The following WWOX variants were observed in gnomAD, a reference collection of about 807,000 sequenced individuals.
WWOX encodes the protein WW domain containing oxidoreductase.
WWOX carries 69 observed loss-of-function variants against 46.2 expected under a neutral mutation model. The ratio of observed to expected loss-of-function variants is 1.49; its 90% confidence interval spans 1.23 to 1.82. The LOEUF (loss-of-function observed/expected upper bound fraction) is 1.82. WWOX is among the 40% of genes most tolerant of loss of function. WWOX has a pLI of 0.00. For synonymous variants in WWOX, 359 were observed against 202.6 expected, an observed-to-expected ratio of 1.77 and a Z score of -6.56; for missense variants, 919 against 542.6, an observed-to-expected ratio of 1.69 and a Z score of -6.89.
chr16:79,177,898 A>G (rs1292285747), intron 8 of WWOX, among the ~76,000 whole-genome samples: 1 of 152,216 alleles, frequency 6.6e-6, no homozygotes, highest in Non-Finnish European at 1.5e-5. Flanking sequence ...ACAGAAATGT[A>G]ATTCTTAAAG....
intron 8 of WWOX, among the ~76,000 whole-genome samples, chr16:78,799,858 G>A (rs1421305768): frequency 3.9e-5 from 6 of 152,170 alleles, no homozygotes; most frequent in African/African-American, 1.4e-4. Flanking sequence ...ATGCATATTA[G>A]TCAAAGTTCC....
chr16:79,172,632 T>C (rs2050722528), intron 8 of WWOX, among the ~76,000 whole-genome samples: 1 of 152,200 alleles, frequency 6.6e-6, no homozygotes, highest in Non-Finnish European at 1.5e-5. Context: ...GTGATCTCAC[T>C]ACCAATGGCA....
In WWOX at chr16:78,139,106, G is replaced by T. The variant is rs144462952; in HGVS notation, c.409+23952G>T. Among the ~76,000 whole-genome samples, 16 of 152,068 alleles carry T rather than the reference G, an allele frequency of 1.1e-4. No homozygotes were observed. In the East Asian group the frequency reaches 2.7e-3, roughly 26 times the overall value. On this transcript the variant is annotated intron_variant, in intron 4 of 8. Coordinates refer to ENST00000566780, the MANE Select transcript of WWOX (RefSeq NM_016373.4). ...AGGCTAAAGGATGGCAAAGTCATTGGGTCATGTCCTAGGAGCAACCCTTAA... is the reference window on the plus strand; with the variant it reads ...AGGCTAAAGGATGGCAAAGTCATTGTGTCATGTCCTAGGAGCAACCCTTAA...
Position 79,044,690 on chromosome 16 carries a change from A to G in WWOX, c.1057-166918A>G, listed in dbSNP as rs530129137. Among the ~76,000 whole-genome samples the G allele has an allele frequency of 9.8e-5, 15 of 152,346 alleles. No individual in the cohort carries two copies. In the South Asian group the frequency reaches 3.1e-3, roughly 32 times the overall value. On this transcript the variant is annotated intron_variant, in intron 8 of 8. Transcript: ENST00000566780. ...CAGTCTCAGGTAATTCTTTATAGCA[A>G]TGCAAGAATGGCCTAATACATGGTC...
chr16:78,831,227 C>A (rs190127732), intron 8 of WWOX, among the ~76,000 whole-genome samples: 2 of 152,130 alleles, frequency 1.3e-5, no homozygotes, highest in African/African-American at 4.8e-5. Flanking sequence ...TGTTTTCCCT[C>A]CAGCCCTCAT....
intron 8 of WWOX, among the ~76,000 whole-genome samples, chr16:78,824,250 T>G (rs888182847): frequency 2.0e-5 from 3 of 152,166 alleles, no homozygotes; most frequent in Non-Finnish European, 2.9e-5. Context: ...GATGCTTCAT[T>G]TTGCCTGTAG....
intron 8 of WWOX, among the ~76,000 whole-genome samples, chr16:78,719,958 C>G (rs1258532255): frequency 1.3e-5 from 2 of 152,086 alleles, no homozygotes; most frequent in Non-Finnish European, 2.9e-5. Flanking sequence ...CTATTCTAAG[C>G]TAGTCTCAAT....
chr16:78,924,783 C>G (rs76819349), intron 8 of WWOX, among the ~76,000 whole-genome samples: 1 of 152,226 alleles, frequency 6.6e-6, no homozygotes, highest in East Asian at 1.9e-4. Context: ...TTCTGTAATA[C>G]CTTATAGACA....
intron 5 of WWOX, chr16:78,168,397 A>G (rs775905748): frequency 4.0e-5 from 6 of 150,630 alleles, no homozygotes; most frequent in Non-Finnish European, 7.4e-5. Context: ...CAGGCACTTT[A>G]TATCCCTCAT....
At chr16:78,809,199 T>G (rs959265708) in intron 8 of WWOX, among the ~76,000 whole-genome samples, 1 of 151,988 alleles carries the variant, frequency 6.6e-6, no homozygotes, top group African/African-American at 2.4e-5. Context: ...CTGGATGGTT[T>G]CCTTTAGAGC....
intron 8 of WWOX, among the ~76,000 whole-genome samples, chr16:78,949,756 G>T (rs2046021215): frequency 6.6e-6 from 1 of 152,182 alleles, no homozygotes; most frequent in South Asian, 2.1e-4. Context: ...CAAGTAAAAG[G>T]TTTTCCTCTT....
intron 5 of WWOX, among the ~76,000 whole-genome samples, chr16:78,318,386 C>T (rs2080396999): frequency 6.7e-6 from 1 of 150,340 alleles, no homozygotes; most frequent in Non-Finnish European, 1.5e-5. Context: ...TTGCTGTGAG[C>T]CGAGATTGCG....
At chr16:78,183,311 A>G (rs1334431690) in intron 5 of WWOX, among the ~76,000 whole-genome samples, 1 of 152,192 alleles carries the variant, frequency 6.6e-6, no homozygotes, top group African/African-American at 2.4e-5. Context: ...TTATGGCCCA[A>G]GCTCAAGAAT....
Position 78,549,192 on chromosome 16 carries a change from C to G in WWOX, c.1056+116440C>G, listed in dbSNP as rs1023990453. Among the ~76,000 whole-genome samples, 4 of 152,226 alleles carry G rather than the reference C, an allele frequency of 2.6e-5. No homozygotes were observed. The South Asian group carries it at 8.3e-4, about 32-fold the overall frequency. ...GGTCGTAAAGGAGGGACAATAGAACCTCTGTAGAATCAAAGGCAGAATTAA... is the reference window on the plus strand; with the variant it reads ...GGTCGTAAAGGAGGGACAATAGAACGTCTGTAGAATCAAAGGCAGAATTAA... On this transcript the variant is annotated intron_variant, in intron 8 of 8. Coordinates refer to ENST00000566780, the MANE Select transcript of WWOX (RefSeq NM_016373.4).
At chr16:78,180,340 G>C (rs934546924) in intron 5 of WWOX, among the ~76,000 whole-genome samples, 1 of 152,192 alleles carries the variant, frequency 6.6e-6, no homozygotes, top group Admixed American at 6.5e-5. Context: ...CTGCACCTGA[G>C]AGTAGGGGGC....
intron 8 of WWOX, among the ~76,000 whole-genome samples, chr16:78,948,239 C>G (rs1245637814): frequency 6.6e-6 from 1 of 152,148 alleles, no homozygotes; most frequent in Non-Finnish European, 1.5e-5. Context: ...TAGGTTGGTC[C>G]ACAGACAGTG....
chr16:78,414,345 G>A (rs903093251), intron 6 of WWOX, among the ~76,000 whole-genome samples: 4 of 152,184 alleles, frequency 2.6e-5, no homozygotes, highest in African/African-American at 7.2e-5. Flanking sequence ...GAGGTGGGCA[G>A]ATCACTTGAG....
At chr16:78,655,456 A>G (rs766834909) in intron 8 of WWOX, among the ~76,000 whole-genome samples, 5 of 152,172 alleles carry the variant, frequency 3.3e-5, no homozygotes, top group Admixed American at 6.5e-5. Context: ...AAATATATGA[A>G]TCTCATCTGA....
chr16:78,161,008 A>G (rs2034774409), intron 4 of WWOX, among the ~76,000 whole-genome samples: 1 of 152,000 alleles, frequency 6.6e-6, no homozygotes, highest in African/African-American at 2.4e-5. Flanking sequence ...GTGGATTGAA[A>G]TTTACCATTG....
Sources: allele counts gnomAD v4.1 joint callset (sites outside exome capture counted in the v4.1 genomes callset), GRCh38; gene constraint gnomAD v4.1.1; transcripts MANE v1.5; gene names NCBI Gene and HGNC (gene_info 2026-07-23, HGNC 2026-07-21).